Variants in SSRP1 observed in about 807,000 individuals in gnomAD.
SSRP1 encodes structure specific recognition protein 1.
A neutral mutation model predicts 84.4 loss-of-function variants in SSRP1; 21 were observed. The ratio of observed to expected loss-of-function variants is 0.25; its 90% CI spans 0.18 to 0.36. The LOEUF is 0.36. Ranked by LOEUF, SSRP1 falls within the 10% of genes least tolerant of loss-of-function variation. The pLI is 1.00. For synonymous variants in SSRP1, 319 were observed against 318.3 expected (o/e 1.00, Z -0.02); for missense variants, 519 against 900.8 (o/e 0.58, Z 5.43).
chr11:57,331,643 G>C, intron 9 of SSRP1, 25 bp downstream of exon 9: 1 of 1,592,498 alleles, frequency 6.3e-7, no homozygotes, highest in Non-Finnish European at 8.6e-7. Context: ...AGGATGCCCA[G>C]GAAGTGACAG....
At chr11:57,329,403 G>C (rs1376984546) in intron 12 of SSRP1, 2 of 153,074 alleles carry the variant, frequency 1.3e-5, no homozygotes, top group Admixed American at 1.3e-4. Flanking sequence ...ACTCAGGCTA[G>C]AAAGGGGCAG....
chr11:57,328,307 T>C lies in SSRP1; in HGVS notation c.1601A>G (p.Lys534Arg). 1.2e-6 allele frequency: 2 copies of C among 1,614,112 alleles called. No individual in the cohort carries two copies. Among genetic ancestry groups the C allele is most frequent in the Non-Finnish European group, 1.7e-6 (2 of 1,179,984 alleles). The change falls in exon 13 of 17, where the codon AAG (lysine) becomes AGG (arginine). Residue 534 changes from lysine (K) to arginine (R), a missense_variant. By Grantham distance (26) the Lys-to-Arg change is conservative. This residue lies in a region of SSRP1 where 197 missense variants were observed against 265.0 expected (regional missense o/e 0.74). Coordinates refer to ENST00000278412, the MANE Select transcript of SSRP1 (RefSeq NM_003146.3). Reference protein sequence around the residue: ...KMAKDRKSRKKPVEVKKGKDP... With the variant: ...KMAKDRKSRKRPVEVKKGKDP... ...ATCTACAGTCTGCACCTCCACAGGC[T>C]TCTTGCGGCTCTTGCGGTCCTTGGC...
rs1411088974 is a variant in SSRP1 at position 57,327,709 on chromosome 11, C to A, written c.1782+3G>T. On this transcript the variant is annotated splice_donor_region_variant and intron_variant, in intron 14 of 16. Transcript: ENST00000278412. The stretch of plus-strand genomic sequence containing the variant: ...GCATCACCCCTCCTCTGCTGCTACT[C>A]ACCTCTTTCTTCTCTTTGGACATTC... 1 of 1,613,932 alleles carries A rather than the reference C, an allele frequency of 6.2e-7. No individual in the cohort carries two copies. The highest frequency in any genetic ancestry group is 2.2e-5 in the East Asian group (1 of 44,876).
intron 15 of SSRP1, 48 bp downstream of exon 15, chr11:57,327,378 A>AT: frequency 6.3e-7 from 1 of 1,584,942 alleles, no homozygotes. Context: ...TAAAAAAAAA[A>AT]AAGTCTGCCA....
At chr11:57,334,760 G>T in intron 2 of SSRP1, 112 bp from the exon 3 acceptor site, 3 of 1,301,434 alleles carry the variant, frequency 2.3e-6, no homozygotes, top group Non-Finnish European at 2.1e-6. Flanking sequence ...GATTATCAAT[G>T]CAGGAGCAAC....
In SSRP1 at chr11:57,332,277, T is replaced by C. The variant is rs1856108126; in HGVS notation, c.876A>G (p.Glu292=). The part of the protein sequence containing the change: ...DISLTLNMNE[E]EVEKRFEGRL... ...GACCCTCAAAGCGCTTCTCCACTTC[T>C]TCCCTACAAAGAAAGCAAGGTGAGG... The change falls in exon 8 of 17, where the codon GAA becomes GAG. Residue 292 remains glutamate, a synonymous_variant. Transcript: ENST00000278412. This position sits in a 1 kb window ranked among gnomAD's most constrained non-coding sequence, Gnocchi z 5.5. The C allele has an allele frequency of 6.2e-7, 1 of 1,613,930 alleles. No individual in the cohort carries two copies. Among genetic ancestry groups the C allele is most frequent in the African/African-American group, 1.3e-5 (1 of 74,912 alleles).
chr11:57,333,585 G>A, intron 3 of SSRP1, 45 bp from the exon 4 acceptor site: 2 of 1,387,934 alleles, frequency 1.4e-6, no homozygotes, highest in Admixed American at 1.7e-5. Flanking sequence ...AACCTTGGTG[G>A]CCTTAACACC....
chr11:57,327,967 G>T, intron 13 of SSRP1, 85 bp from the exon 14 acceptor site: 1 of 1,506,306 alleles, frequency 6.6e-7, no homozygotes. Flanking sequence ...ACTTAACTTG[G>T]AGAAAAAGTG....
chr11:57,330,708 A>T lies in SSRP1; in HGVS notation c.1296+147T>A, dbSNP rs1856071669. 1 of 1,491,274 alleles carries T rather than the reference A, an allele frequency of 6.7e-7. No individual in the cohort carries two copies. Among genetic ancestry groups the T allele is most frequent in the African/African-American group, 1.4e-5 (1 of 71,414 alleles). The allele number at this position is 1,491,274 out of a possible 1,614,324, so 92.4% of individuals were successfully genotyped here. On this transcript the variant is annotated intron_variant, in intron 10 of 16. Transcript: ENST00000278412. This position sits in a 1 kb window ranked among gnomAD's most constrained non-coding sequence, Gnocchi z 4.0. Reference sequence around the variant, plus strand: ...AGGTCATGCAGAGGAAACCTGCACCAGGAGGGGGAAAGGGTCACACGCACC... The same window carrying T: ...AGGTCATGCAGAGGAAACCTGCACCTGGAGGGGGAAAGGGTCACACGCACC...
At chr11:57,326,968 G>C in intron 15 of SSRP1, 79 bp from the exon 16 acceptor site, 3 of 1,461,176 alleles carry the variant, frequency 2.1e-6, no homozygotes, top group Non-Finnish European at 2.7e-6. Context: ...GCTTTAACAA[G>C]GCCTTTCCCA....
In SSRP1 at chr11:57,335,011, A is replaced by G; in HGVS notation, c.54+57T>C. The G allele has an allele frequency of 2.5e-6, 4 of 1,602,462 alleles. No individual in the cohort carries two copies. Among genetic ancestry groups the G allele is most frequent in the Non-Finnish European group, 3.4e-6 (4 of 1,169,670 alleles). On this transcript the variant is annotated intron_variant, in intron 2 of 16. Transcript: ENST00000278412. This position sits in a 1 kb window ranked among gnomAD's most constrained non-coding sequence, Gnocchi z 4.6. ...CAAAGCAAGCTCTCATTAATGGACAAAAACTCTACCCTCCTTCCTTCTCTC... is the reference window on the plus strand; with the variant it reads ...CAAAGCAAGCTCTCATTAATGGACAGAAACTCTACCCTCCTTCCTTCTCTC...
At position 57,332,771 on chromosome 11, in the gene SSRP1, G is replaced by A; in HGVS notation, c.622C>T (p.Leu208=). The A allele has an allele frequency of 6.2e-7, 1 of 1,614,182 alleles. No homozygotes were observed. The change falls in exon 6 of 17, where the codon CTG becomes TTG. Residue 208 remains leucine (L), a synonymous_variant. Transcript: ENST00000278412. The surrounding 1 kb of genome is among the most constrained non-coding windows in gnomAD (Gnocchi z 5.5). ...ATGTCATAACGACCACGAGGAGTCA[G>A]ACACTGCAGCTCCCGGAAGATGCAG... is the stretch of plus-strand genomic sequence containing the variant. ...AICIFRELQC[L]TPRGRYDIRI... is the part of the protein sequence containing the mutation.
In SSRP1 at chr11:57,332,925, C is replaced by T; in HGVS notation, c.537+34G>A. The T allele has an allele frequency of 6.3e-7, 1 of 1,598,592 alleles. No homozygotes were observed. ...AGGCCAGCCAATGCCTGCTCAGCACCATCTGCTGCCAAGGCAACCAGGGGA... is the reference window on the plus strand; with the variant it reads ...AGGCCAGCCAATGCCTGCTCAGCACTATCTGCTGCCAAGGCAACCAGGGGA... On this transcript the variant is annotated intron_variant, in intron 5 of 16. Coordinates refer to ENST00000278412, the MANE Select transcript of SSRP1 (RefSeq NM_003146.3). This position sits in a 1 kb window ranked among gnomAD's most constrained non-coding sequence, Gnocchi z 5.5.
rs1293734099 is a variant in SSRP1, at chr11:57,330,500, AC to A, written c.1297-72del. ...AGAATCCCTGCACACTCAAAAGCAC[AC>A]CCCCATGCCTGTCAAGTCAGAGCAG... On this transcript the variant is annotated intron_variant, in intron 10 of 16. Transcript: ENST00000278412. This position sits in a 1 kb window ranked among gnomAD's most constrained non-coding sequence, Gnocchi z 4.0. 2.5e-6 allele frequency: 4 copies of A among 1,584,982 alleles called. No individual in the cohort carries two copies. The highest frequency in any genetic ancestry group is 3.4e-6 in the Non-Finnish European group (4 of 1,167,430).
rs1268061948 is a variant in SSRP1 at position 57,330,317 on chromosome 11, C to G, written c.1409G>C (p.Ser470Thr). The G allele has an allele frequency of 6.2e-7, 1 of 1,614,234 alleles. No individual in the cohort carries two copies. Among genetic ancestry groups the G allele is most frequent in the Non-Finnish European group, 8.5e-7 (1 of 1,180,052 alleles). ...GKIREENAND[S>T]SDDSGEETDE... ...GGTTTCTTCTCCTGAGTCATCGCTG[C>G]TGTCATTGGCATTCTCCTCCCGGAT... Residue 470 changes from serine to threonine, a missense_variant, in exon 11 of 17, where the codon AGC becomes ACC. By Grantham distance (58) the Ser-to-Thr change is moderately conservative. Coordinates refer to ENST00000278412, the MANE Select transcript of SSRP1 (RefSeq NM_003146.3). This position sits in a 1 kb window ranked among gnomAD's most constrained non-coding sequence, Gnocchi z 4.0.
chr11:57,334,860 G>A lies in SSRP1; in HGVS notation c.54+208C>T, dbSNP rs558886218. 1.7e-4 allele frequency among the ~76,000 whole-genome samples: 26 copies of A among 152,308 alleles called. No homozygotes were observed. In the South Asian group the frequency reaches 4.8e-3, roughly 28 times the overall value. On this transcript the variant is annotated intron_variant, in intron 2 of 16. Transcript: ENST00000278412. Reference sequence around the variant, plus strand: ...TCTCAGTTTCCTCATTTGTAAAACAGGAATTGGGAACTGAACAGCATATAC... The same window carrying A: ...TCTCAGTTTCCTCATTTGTAAAACAAGAATTGGGAACTGAACAGCATATAC...
At position 57,330,048 on chromosome 11, in the gene SSRP1, T is replaced by A. The variant is rs771512419; in HGVS notation, c.1481+45A>T. The A allele has an allele frequency of 2.5e-6, 4 of 1,612,474 alleles. No individual in the cohort carries two copies. Among genetic ancestry groups the A allele is most frequent in the Non-Finnish European group, 2.5e-6 (3 of 1,178,474 alleles). On this transcript the variant is annotated intron_variant, in intron 12 of 16. Coordinates refer to ENST00000278412, the MANE Select transcript of SSRP1 (RefSeq NM_003146.3). This position sits in a 1 kb window ranked among gnomAD's most constrained non-coding sequence, Gnocchi z 4.0. ...CCAGAAATCTTCTGGTCCCTTAAGCTTATGGGTCACCATCTTATCCCCACA... is the reference window on the plus strand; with the variant it reads ...CCAGAAATCTTCTGGTCCCTTAAGCATATGGGTCACCATCTTATCCCCACA...
chr11:57,327,609 A>G, intron 14 of SSRP1, 95 bp from the exon 15 acceptor site: 11 of 1,601,842 alleles, frequency 6.9e-6, no homozygotes, highest in Non-Finnish European at 9.4e-6. Context: ...AAGTCCCACC[A>G]ATGGCTCATA....
Position 57,332,592 on chromosome 11 carries a change from C to T in SSRP1, c.768+33G>A. On this transcript the variant is annotated intron_variant, in intron 6 of 16. Coordinates refer to ENST00000278412, the MANE Select transcript of SSRP1 (RefSeq NM_003146.3). This position sits in a 1 kb window ranked among gnomAD's most constrained non-coding sequence, Gnocchi z 5.5. ...ATCTACTTAACACTTAGGCAAAAAC[C>T]AGGATTATCCGGCCATAGGGGTTTC... 1 of 1,606,114 alleles carries T rather than the reference C, an allele frequency of 6.2e-7. No individual in the cohort carries two copies. The highest frequency in any genetic ancestry group is 8.5e-7 in the Non-Finnish European group (1 of 1,174,046).
Sources: allele counts gnomAD v4.1 joint callset (sites outside exome capture counted in the v4.1 genomes callset), GRCh38; gene constraint gnomAD v4.1.1; regional missense constraint gnomAD v4.1.1; non-coding constraint Gnocchi (gnomAD v3.1); transcripts MANE v1.5; gene names NCBI Gene and HGNC (gene_info 2026-07-23, HGNC 2026-07-21).